The following CAMK2D variants were observed in gnomAD, a reference collection of about 807,000 sequenced individuals.
CAMK2D encodes calcium/calmodulin-dependent protein kinase type II subunit delta.
In CAMK2D, 37 loss-of-function variants were observed where a neutral mutation model predicts 84.0. The ratio of observed to expected loss-of-function variants is 0.44; its 90% CI spans 0.34 to 0.58. The LOEUF is 0.58. Among genes scored for constraint, CAMK2D ranks in the 20% least tolerant of loss-of-function variants. The pLI is 0.02. For synonymous variants in CAMK2D, 202 were observed against 212.5 expected, an observed-to-expected ratio of 0.95 and a Z score of 0.43; for missense variants, 448 against 652.5, an observed-to-expected ratio of 0.69 and a Z score of 3.41.
At chr4:113,570,929 GAAAC>G (rs1214141824) in intron 4 of CAMK2D, among the ~76,000 whole-genome samples, 3 of 151,990 alleles carry the variant, frequency 2.0e-5, no homozygotes, top group Admixed American at 6.6e-5. Flanking sequence ...AAATATATAA[GAAAC>G]AAACAACTCA....
intron 4 of CAMK2D, among the ~76,000 whole-genome samples, chr4:113,585,658 A>ATACAG (rs1342026301): frequency 8.9e-6 from 1 of 112,528 alleles, no homozygotes; most frequent in Non-Finnish European, 1.9e-5. Context: ...ATAGATTAGT[A>ATACAG]TATAGTATAG....
intron 16 of CAMK2D, among the ~76,000 whole-genome samples, chr4:113,494,462 G>T (rs888078953): frequency 6.6e-6 from 1 of 152,142 alleles, no homozygotes; most frequent in Admixed American, 6.5e-5. Flanking sequence ...GGGGGTCAGG[G>T]GTCAGGGACC....
At chr4:113,722,548 T>C (rs926391355) in intron 2 of CAMK2D, among the ~76,000 whole-genome samples, 1 of 152,150 alleles carries the variant, frequency 6.6e-6, no homozygotes, top group Non-Finnish European at 1.5e-5. Context: ...CAATGTGCTT[T>C]CTTAATACCG....
intron 4 of CAMK2D, among the ~76,000 whole-genome samples, chr4:113,597,974 G>A (rs926914964): frequency 6.6e-6 from 1 of 152,116 alleles, no homozygotes; most frequent in African/African-American, 2.4e-5. Flanking sequence ...CTTTTCTACA[G>A]ATTCAATGAA....
At chr4:113,670,059 T>C (rs1019851977) in intron 2 of CAMK2D, among the ~76,000 whole-genome samples, 9 of 152,196 alleles carry the variant, frequency 5.9e-5, no homozygotes, top group Admixed American at 5.9e-4. Flanking sequence ...GGTGGGCAGA[T>C]CACAAGGTCA....
chr4:113,569,094 G>C (rs140597037), intron 4 of CAMK2D, among the ~76,000 whole-genome samples: 2,049 of 151,852 alleles, frequency 0.013, 46 homozygotes, highest in East Asian at 0.11. Context: ...TGTTTCCCAG[G>C]CTGGTCTCAA....
chr4:113,531,033 G>A (rs531669615), intron 8 of CAMK2D, among the ~76,000 whole-genome samples, 183 bp downstream of exon 8: 55 of 152,232 alleles, frequency 3.6e-4, no homozygotes, highest in Non-Finnish European at 6.8e-4. Context: ...GCAGTGAGCC[G>A]GGATTGTACC....
chr4:113,598,316 C>T (rs915270603), intron 4 of CAMK2D, among the ~76,000 whole-genome samples: 1 of 150,868 alleles, frequency 6.6e-6, no homozygotes, highest in East Asian at 2.0e-4. Flanking sequence ...GGTGCTGAAA[C>T]AACTGAAAAC....
intron 4 of CAMK2D, among the ~76,000 whole-genome samples, chr4:113,559,488 T>C (rs1208195806): frequency 6.6e-6 from 1 of 152,250 alleles, no homozygotes; most frequent in East Asian, 1.9e-4. Context: ...TAAAAATATC[T>C]GCCATTGGCT....
rs2099640497 is a variant in CAMK2D at position 113,761,105 on chromosome 4, G to A, written c.-37C>T. ...GCTGTGCCCTGGCTGGGAGCGCGAC[G>A]GACCAGAAGCGAGCAGACGCGCGGC... On this transcript the variant is annotated 5_prime_UTR_variant, in exon 1 of 21. Coordinates refer to ENST00000511664, the MANE Select transcript of CAMK2D (RefSeq NM_001321571.2). The A allele has an allele frequency of 1.2e-6, 2 of 1,613,156 alleles. No individual in the cohort carries two copies. Among genetic ancestry groups the A allele is most frequent in the Non-Finnish European group, 1.7e-6 (2 of 1,179,966 alleles).
intron 4 of CAMK2D, among the ~76,000 whole-genome samples, chr4:113,600,820 A>G (rs781650806): frequency 1.3e-5 from 2 of 152,080 alleles, no homozygotes; most frequent in Non-Finnish European, 2.9e-5. Context: ...GTTTTTGTAG[A>G]GATGAGGTCT....
At chr4:113,569,689 G>A (rs1483481077) in intron 4 of CAMK2D, among the ~76,000 whole-genome samples, 1 of 152,056 alleles carries the variant, frequency 6.6e-6, no homozygotes, top group African/African-American at 2.4e-5. Context: ...TATCATACAA[G>A]ATCTTCCCCA....
chr4:113,546,838 TGGAGAC>T (rs2098579252), intron 6 of CAMK2D, among the ~76,000 whole-genome samples: 1 of 152,134 alleles, frequency 6.6e-6, no homozygotes, highest in Non-Finnish European at 1.5e-5. Context: ...TGCTGGGAAA[TGGAGAC>T]GGAAAATTAA....
intron 16 of CAMK2D, among the ~76,000 whole-genome samples, chr4:113,489,901 A>G (rs1178357275): frequency 6.9e-6 from 1 of 145,930 alleles, no homozygotes; most frequent in Non-Finnish European, 1.5e-5. Flanking sequence ...AGTGATGATG[A>G]GCATTTTTTC....
chr4:113,639,565 C>A (rs2099123998), intron 3 of CAMK2D, among the ~76,000 whole-genome samples: 1 of 151,980 alleles, frequency 6.6e-6, no homozygotes, highest in African/African-American at 2.4e-5. Flanking sequence ...CACTACAACA[C>A]CCACCCTAGA....
chr4:113,516,016 C>T (rs1330138914), intron 9 of CAMK2D, among the ~76,000 whole-genome samples: 1 of 152,128 alleles, frequency 6.6e-6, no homozygotes, highest in Non-Finnish European at 1.5e-5. Context: ...GAAATTTACA[C>T]CACATTAGTT....
rs183533958 is a variant in CAMK2D at position 113,595,216 on chromosome 4, C to G, written c.275+13936G>C. Among the ~76,000 whole-genome samples, 195 of 151,942 alleles carry G rather than the reference C, an allele frequency of 1.3e-3. 2 individuals carry two copies. The highest frequency in any genetic ancestry group is 4.6e-3 in the African/African-American group (189 of 41,438). On this transcript the variant is annotated intron_variant, in intron 4 of 20. Transcript: ENST00000511664. ...GTGAGAAAATAAATACTTTCTCAGA[C>G]AAACAAAAAGAAACTGTAGACCTGT...
intron 2 of CAMK2D, among the ~76,000 whole-genome samples, chr4:113,704,834 G>A (rs1273399561): frequency 2.0e-5 from 3 of 152,028 alleles, no homozygotes; most frequent in East Asian, 1.9e-4. Flanking sequence ...TATTATTAAC[G>A]AGGCTTTTAC....
intron 2 of CAMK2D, among the ~76,000 whole-genome samples, chr4:113,731,321 A>C (rs1460766417): frequency 6.6e-6 from 1 of 152,156 alleles, no homozygotes. Context: ...GCACTCACCA[A>C]ATCTTCCCTA....
Sources: gnomAD v4.1 joint callset for allele counts (sites outside exome capture counted in the v4.1 genomes callset) on GRCh38, gnomAD v4.1.1 for gene constraint, MANE v1.5 for transcripts, NCBI Gene and HGNC (gene_info 2026-07-23, HGNC 2026-07-21) for gene names.